The following MIDEAS variants were observed in gnomAD, a reference collection of about 807,000 sequenced individuals.
The protein encoded by MIDEAS is mitotic deacetylase-associated SANT domain protein.
In MIDEAS, 26 loss-of-function variants were observed where a neutral mutation model predicts 102.7. The ratio of observed to expected loss-of-function variants is 0.25; its 90% CI spans 0.19 to 0.35. MIDEAS has a LOEUF of 0.35. MIDEAS is among the 10% of genes least tolerant of loss of function. MIDEAS has a pLI of 1.00. For synonymous variants in MIDEAS, 585 were observed against 591.0 expected (o/e 0.99, Z 0.15); for missense variants, 1,231 against 1,435.6 (o/e 0.86, Z 2.30).
intron 1 of MIDEAS, among the ~76,000 whole-genome samples, chr14:73,753,543 G>A (rs2053447294): frequency 6.6e-6 from 1 of 152,224 alleles, no homozygotes; most frequent in African/African-American, 2.4e-5. Flanking sequence ...AGCGCCGCCT[G>A]GCACAGGGTA....
chr14:73,718,796 T>A lies in MIDEAS; in HGVS notation c.*47A>T, dbSNP rs1019726452. 1.5e-6 allele frequency: 2 copies of A among 1,353,024 alleles called. No individual in the cohort carries two copies. The highest frequency in any genetic ancestry group is 3.6e-5 in the South Asian group (2 of 56,306). The allele number at this position is 1,353,024 out of a possible 1,614,324, so 83.8% of individuals were successfully genotyped here. Reference sequence around the variant, plus strand: ...GGGTGTCTGCGGGCGCTGGCGGCGGTGCGGGAAGGGCCGAGGCCCAGGACT... The same window carrying A: ...GGGTGTCTGCGGGCGCTGGCGGCGGAGCGGGAAGGGCCGAGGCCCAGGACT... On this transcript the variant is annotated 3_prime_UTR_variant, in exon 13 of 13. Transcript: ENST00000423556.
At chr14:73,756,295 T>TGTGTGTGTGCGC (rs55692592) in intron 1 of MIDEAS, among the ~76,000 whole-genome samples, 1,721 of 127,658 alleles carry the variant, frequency 0.013, 23 homozygotes, top group Admixed American at 0.047. Context: ...TGTGTGTGTG[T>TGTGTGTGTGCGC]GCGCGCGCGC....
Position 73,719,418 on chromosome 14 carries a change from T to C in MIDEAS, c.3021A>G (p.Glu1007=), listed in dbSNP as rs568652412. Residue 1007 remains glutamate, a synonymous_variant, in exon 12 of 13, where the codon GAA becomes GAG. Coordinates refer to ENST00000423556, the MANE Select transcript of MIDEAS (RefSeq NM_001367710.1). ...AGGQASEKPR[E]GTGKSRRALP... ...GTGCCCTTCGTGACTTCCCTGTCCC[T>C]TCCCTTGGCTTCTCCGAGGCCTGGC... The C allele has an allele frequency of 5.6e-6, 9 of 1,614,090 alleles. No homozygotes were observed. In the Admixed American group the frequency reaches 1.3e-4, roughly 24 times the overall value.
intron 5 of MIDEAS, 81 bp from the exon 6 acceptor site, chr14:73,727,053 G>T (rs2053070974): frequency 6.7e-7 from 1 of 1,503,726 alleles, no homozygotes; most frequent in South Asian, 1.3e-5. Flanking sequence ...GTGGGAAGAA[G>T]ATGAGGGGGA....
In MIDEAS at chr14:73,735,971, A is replaced by G. The variant is rs534770953; in HGVS notation, c.1749+1027T>C. ...CAGGAGTTCAAGACTAACCTGGCCA[A>G]CATGGTGAAACCCCGCCTCTACTAA... On this transcript the variant is annotated intron_variant, in intron 3 of 12. Transcript: ENST00000423556. 5.3e-5 allele frequency among the ~76,000 whole-genome samples: 8 copies of G among 152,220 alleles called. No homozygotes were observed. In the South Asian group the frequency reaches 1.7e-3, roughly 32 times the overall value.
chr14:73,738,654 T>C lies in MIDEAS; in HGVS notation c.1355A>G (p.Gln452Arg). The C allele has an allele frequency of 1.2e-6, 2 of 1,613,784 alleles. No individual in the cohort carries two copies. The highest frequency in any genetic ancestry group is 1.3e-5 in the African/African-American group (1 of 75,080). ...CGQVLRGGVI[Q>R]STRRRRRASQ... ...TGCCCGGCGCCTCCGTCGCGTGCTCTGGATCACTCCGCCCCGTAGCACCTG... is the reference window on the plus strand; with the variant it reads ...TGCCCGGCGCCTCCGTCGCGTGCTCCGGATCACTCCGCCCCGTAGCACCTG... Residue 452 changes from glutamine (Q) to arginine (R), a missense_variant, in exon 2 of 13, where the codon CAG (glutamine) becomes CGG (arginine). Gln to Arg is a conservative substitution (Grantham distance 43). Transcript: ENST00000423556.
chr14:73,756,267 A>AGTGTGTGTGTGTGTGTGT (rs772519833), intron 1 of MIDEAS, among the ~76,000 whole-genome samples: 1 of 141,038 alleles, frequency 7.1e-6, no homozygotes, highest in African/African-American at 2.6e-5. Context: ...AGCCCATGTC[A>AGTGTGTGTGTGTGTGTGT]GTGTGTGTGT....
chr14:73,721,755 A>C, intron 10 of MIDEAS: 1 of 446,490 alleles, frequency 2.2e-6, no homozygotes. Flanking sequence ...CATACCAGTC[A>C]CTCCCCATTG....
At position 73,749,906 on chromosome 14, in the gene MIDEAS, C is replaced by T. The variant is rs1320778116; in HGVS notation, c.-247-9651G>A. On this transcript the variant is annotated intron_variant, in intron 1 of 12. Coordinates refer to ENST00000423556, the MANE Select transcript of MIDEAS (RefSeq NM_001367710.1). ...CAGACTTGCAAAGGCCTGGGTATCC[C>T]CTCTCCCAGACACACATTGAACCTG... Among the ~76,000 whole-genome samples the T allele has an allele frequency of 3.3e-5, 5 of 152,324 alleles. No individual in the cohort carries two copies. In the East Asian group the frequency reaches 9.6e-4, roughly 29 times the overall value.
rs971560411 is a variant in MIDEAS at position 73,759,632 on chromosome 14, C to G, written c.-248+131G>C. Reference sequence around the variant, plus strand: ...GTTCGAGCGCAGCGGCCCCCGCGGCCCCCTCTCCGGGCCGCGCCTGCAGAG... The same window carrying G: ...GTTCGAGCGCAGCGGCCCCCGCGGCGCCCTCTCCGGGCCGCGCCTGCAGAG... On this transcript the variant is annotated intron_variant, in intron 1 of 12. Coordinates refer to ENST00000423556, the MANE Select transcript of MIDEAS (RefSeq NM_001367710.1). This position sits in a 1 kb window ranked among gnomAD's most constrained non-coding sequence, Gnocchi z 6.7. The G allele has an allele frequency of 6.7e-6, 1 of 149,824 alleles. No individual in the cohort carries two copies. The highest frequency in any genetic ancestry group is 2.0e-4 in the East Asian group (1 of 5,128). 9.3% of individuals were successfully genotyped at this position (149,824 alleles called of 1,614,324 possible). A position where few individuals can be genotyped will look rare whatever the true frequency, so the allele number is the denominator to read the frequency against.
At chr14:73,737,411 G>A in intron 2 of MIDEAS, 114 bp from the exon 3 acceptor site, 9 of 1,216,116 alleles carry the variant, frequency 7.4e-6, no homozygotes, top group Non-Finnish European at 9.1e-6. Context: ...ATCACTTGAC[G>A]CCACAAGTTC....
intron 12 of MIDEAS, 83 bp downstream of exon 12, chr14:73,719,222 T>TCCCCCCCCCC: frequency 2.7e-6 from 4 of 1,497,120 alleles, no homozygotes; most frequent in Non-Finnish European, 3.6e-6. Flanking sequence ...CTGTACCTCT[T>TCCCCCCCCCC]CCCCCTCCCC....
chr14:73,764,115 G>A (rs997741390), upstream of MIDEAS, among the ~76,000 whole-genome samples: 1 of 152,062 alleles, frequency 6.6e-6, no homozygotes, highest in Admixed American at 6.5e-5. Context: ...CAAAGCGGGC[G>A]GATCATCTGA....
intron 1 of MIDEAS, among the ~76,000 whole-genome samples, chr14:73,756,295 T>TGTGTGTGCGC (rs55692592): frequency 0.055 from 6,959 of 127,474 alleles, 261 homozygotes; most frequent in East Asian, 0.16. Context: ...TGTGTGTGTG[T>TGTGTGTGCGC]GCGCGCGCGC....
chr14:73,785,937 C>T (rs1286274818), intron 1 of MIDEAS, among the ~76,000 whole-genome samples: 6 of 152,236 alleles, frequency 3.9e-5, no homozygotes, highest in Non-Finnish European at 5.9e-5. Context: ...CAGATCTATC[C>T]TGGGCATTTG....
At position 73,751,454 on chromosome 14, in the gene MIDEAS, G is replaced by A. The variant is rs571060476; in HGVS notation, c.-248+8309C>T. ...TCGGGTAAAGTGGGTGGGAGAGGCC[G>A]GGCAGGTGAGTGGCTTTGAAGGTGA... On this transcript the variant is annotated intron_variant, in intron 1 of 12. Coordinates refer to ENST00000423556, the MANE Select transcript of MIDEAS (RefSeq NM_001367710.1). 3.9e-5 allele frequency among the ~76,000 whole-genome samples: 6 copies of A among 152,252 alleles called. No homozygotes were observed. The South Asian group carries it at 8.3e-4, about 21-fold the overall frequency.
intron 2 of MIDEAS, among the ~76,000 whole-genome samples, chr14:73,737,940 C>T (rs1233219102): frequency 1.3e-5 from 2 of 151,830 alleles, no homozygotes; most frequent in Admixed American, 6.5e-5. Flanking sequence ...CAGTACCACA[C>T]CTGGCTAATT....
chr14:73,743,269 G>A (rs976405419), intron 1 of MIDEAS, among the ~76,000 whole-genome samples: 2 of 152,126 alleles, frequency 1.3e-5, no homozygotes, highest in Non-Finnish European at 2.9e-5. Context: ...CCTTACCCCT[G>A]CCTGAACCTT....
chr14:73,756,091 C>T (rs2053475603), intron 1 of MIDEAS, among the ~76,000 whole-genome samples: 1 of 152,164 alleles, frequency 6.6e-6, no homozygotes, highest in Non-Finnish European at 1.5e-5. Flanking sequence ...TTCCCACGCA[C>T]CCATCAGACT....
Sources: allele counts gnomAD v4.1 joint callset (sites outside exome capture counted in the v4.1 genomes callset), GRCh38; gene constraint gnomAD v4.1.1; non-coding constraint Gnocchi (gnomAD v3.1); transcripts MANE v1.5; gene names NCBI Gene and HGNC (gene_info 2026-07-23, HGNC 2026-07-21).